The following CROCC2 variants were observed in gnomAD, a reference collection of about 807,000 sequenced individuals.
CROCC2 encodes ciliary rootlet coiled-coil protein 2.
CROCC2 carries 163 observed loss-of-function variants against 177.6 expected under a neutral mutation model. The observed-to-expected ratio is 0.92, with a 90% CI of 0.81 to 1.05. The LOEUF is 1.05. CROCC2 is among the 50% of genes least tolerant of loss of function. CROCC2 has a pLI of 0.00. For missense variants in CROCC2, 1,929 were observed against 1,797.8 expected (o/e 1.07, Z -1.32); for synonymous variants, 904 against 787.3 (o/e 1.15, Z -2.48).
rs4334491 is a variant in CROCC2, at chr2:240,953,061, G to A, written c.2829+2551G>A. Among the ~76,000 whole-genome samples, 103,269 of 151,806 alleles carry A rather than the reference G, an allele frequency of 0.68. 35,925 individuals carry two copies. Among genetic ancestry groups the A allele is most frequent in the African/African-American group, 0.82 (33,823 of 41,416 alleles). On this transcript the variant is annotated intron_variant, in intron 18 of 31. Coordinates refer to ENST00000690015, the MANE Select transcript of CROCC2 (RefSeq NM_001351305.2). This position sits in a 1 kb window ranked among gnomAD's most constrained non-coding sequence, Gnocchi z 4.0. ...GGGCAACGTGGCCTGTTCTCATGTG[G>A]TTATTTAATCCCAGCTTCCCAGTGG...
At chr2:240,989,529 T>C in intron 29 of CROCC2, 125 bp from the exon 30 acceptor site, 1 of 919,080 alleles carries the variant, frequency 1.1e-6, no homozygotes, top group Non-Finnish European at 1.6e-6. Flanking sequence ...CCTGGCCAGG[T>C]CAACACCGGC....
chr2:240,954,850 GC>G (rs1263764642), intron 18 of CROCC2: 3 of 152,250 alleles, frequency 2.0e-5, no homozygotes, highest in East Asian at 3.9e-4. Flanking sequence ...GGTCCCAGGG[GC>G]CCGCCAGGAC....
In CROCC2 at chr2:240,949,603, C is replaced by A; in HGVS notation, c.2553C>A (p.Leu851=). The A allele has an allele frequency of 6.4e-7, 1 of 1,550,504 alleles. No homozygotes were observed. The highest frequency in any genetic ancestry group is 8.7e-7 in the Non-Finnish European group (1 of 1,146,946). Residue 851 remains leucine (L), a synonymous_variant, in exon 17 of 32, where the codon CTC becomes CTA. Coordinates refer to ENST00000690015, the MANE Select transcript of CROCC2 (RefSeq NM_001351305.2). This position sits in a 1 kb window ranked among gnomAD's most constrained non-coding sequence, Gnocchi z 4.5. The part of the protein sequence containing the change: ...EMKLRQDTVR[L]QRQVAQQERE... ...AGCTGCGGCAGGACACGGTGCGGCT[C>A]CAGCGACAGGTGGCACAGCAGGAGC...
At chr2:240,935,691 A>C in intron 14 of CROCC2, 103 bp downstream of exon 14, 1 of 832,836 alleles carries the variant, frequency 1.2e-6, no homozygotes, top group Non-Finnish European at 1.7e-6. Context: ...GGATGCCCAC[A>C]TCAGCTCTTT....
intron 27 of CROCC2, among the ~76,000 whole-genome samples, chr2:240,975,318 C>T (rs2059752416): frequency 6.6e-6 from 1 of 152,216 alleles, no homozygotes; most frequent in South Asian, 2.1e-4. Context: ...CCCCAGAGTC[C>T]CACTGTGTGG....
chr2:240,964,445 A>T, intron 21 of CROCC2, 21 bp from the exon 22 acceptor site: 4 of 1,548,252 alleles, frequency 2.6e-6, no homozygotes, highest in Non-Finnish European at 3.5e-6. Context: ...CGGGGGCCCC[A>T]GCCTGTGGCA....
At position 240,930,358 on chromosome 2, in the gene CROCC2, G is replaced by A. The variant is rs548085152; in HGVS notation, c.749+89G>A. On this transcript the variant is annotated intron_variant, in intron 6 of 31. Transcript: ENST00000690015. ...GGAGGGGGAAATCGGTGCCCAGGGC[G>A]GGCTCTCCCGTGGGTGCAGTAGCCC... is the stretch of plus-strand genomic sequence containing the variant. 2.0e-4 allele frequency: 92 copies of A among 451,912 alleles called. 1 individual carries two copies. Among genetic ancestry groups the A allele is most frequent in the South Asian group, 1.3e-3 (25 of 18,526 alleles). The allele number at this position is 451,912 out of a possible 1,614,324, so 28.0% of individuals were successfully genotyped here. A position where few individuals can be genotyped will look rare whatever the true frequency, so the allele number is the denominator to read the frequency against.
chr2:240,909,830 G>A (rs866501009), intron 1 of CROCC2, among the ~76,000 whole-genome samples: 7 of 152,122 alleles, frequency 4.6e-5, no homozygotes, highest in Middle Eastern at 3.2e-3. Context: ...GGTGCCAGAC[G>A]CCCAGATCAG....
chr2:240,993,024 C>G (rs139926633), intron 31 of CROCC2, 42 bp from the exon 32 acceptor site: 7 of 714,778 alleles, frequency 9.8e-6, no homozygotes, highest in Non-Finnish European at 1.6e-5. Context: ...CATGTGTCCC[C>G]GGGAATGCGG....
Position 240,946,264 on chromosome 2 carries a change from G to T in CROCC2, c.2363+11G>T, listed in dbSNP as rs1226778989. 6.6e-7 allele frequency: 1 copy of T among 1,518,972 alleles called. No individual in the cohort carries two copies. The highest frequency in any genetic ancestry group is 2.0e-5 in the Admixed American group (1 of 49,984). 94.1% of individuals were successfully genotyped at this position (1,518,972 alleles called of 1,614,324 possible). A position where few individuals can be genotyped will look rare whatever the true frequency, so the allele number is the denominator to read the frequency against. ...GGCAGCTGATCTCAGGTATGCAAGG[G>T]CCTGCCAGTCAGGGCATGTCCCACG... On this transcript the variant is annotated intron_variant, in intron 15 of 31. Coordinates refer to ENST00000690015, the MANE Select transcript of CROCC2 (RefSeq NM_001351305.2).
intron 27 of CROCC2, among the ~76,000 whole-genome samples, chr2:240,970,577 CA>C (rs752683711): frequency 5.3e-5 from 8 of 152,232 alleles, no homozygotes; most frequent in Non-Finnish European, 7.3e-5. Context: ...CTGCCCCCTC[CA>C]GGGGCCGAGG....
chr2:240,983,541 A>G (rs539480835), intron 28 of CROCC2: 14 of 1,272,108 alleles, frequency 1.1e-5, no homozygotes, highest in African/African-American at 1.6e-5. Flanking sequence ...GCGCGTCTGC[A>G]GGGGGAGCTC....
At chr2:240,944,199 T>G (rs2059510172) in intron 14 of CROCC2, among the ~76,000 whole-genome samples, 1 of 152,254 alleles carries the variant, frequency 6.6e-6, no homozygotes, top group Non-Finnish European at 1.5e-5. Flanking sequence ...CTTGTTCATT[T>G]CACGCCTATG....
intron 28 of CROCC2, chr2:240,986,156 A>G: frequency 2.9e-6 from 1 of 348,320 alleles, no homozygotes; most frequent in Non-Finnish European, 5.8e-6. Flanking sequence ...AACGGGGCTG[A>G]GTGGAGAGGG....
chr2:240,944,204 C>G (rs12694990), intron 14 of CROCC2, among the ~76,000 whole-genome samples: 103,382 of 152,202 alleles, frequency 0.68, 35,912 homozygotes, highest in African/African-American at 0.81. Context: ...TCATTTCACG[C>G]CTATGTGTCT....
rs1461625277 is a variant in CROCC2 at position 240,959,324 on chromosome 2, G to A, written c.2967G>A (p.Glu989=). 2 of 1,550,558 alleles carry A rather than the reference G, an allele frequency of 1.3e-6. No homozygotes were observed. The highest frequency in any genetic ancestry group is 2.7e-5 in the African/African-American group (2 of 73,136). The part of the protein sequence containing the change: ...QAQATISATT[E]ELKALQAQFE... ...AGGCCACCATCAGTGCCACGACTGA[G>A]GAGCTGAAGGCCCTCCAGGCCCAGT... Residue 989 remains glutamate (E), a synonymous_variant, in exon 20 of 32, where the codon GAG becomes GAA. Coordinates refer to ENST00000690015, the MANE Select transcript of CROCC2 (RefSeq NM_001351305.2).
chr2:240,988,223 A>G (rs1574801756), intron 28 of CROCC2, among the ~76,000 whole-genome samples: 1 of 152,260 alleles, frequency 6.6e-6, no homozygotes, highest in East Asian at 1.9e-4. Flanking sequence ...TACAGCCTAC[A>G]AGGAGGACAG....
rs868619587 is a variant in CROCC2, at chr2:240,950,519, G to A, written c.2829+9G>A. On this transcript the variant is annotated intron_variant, in intron 18 of 31. Transcript: ENST00000690015. Reference sequence around the variant, plus strand: ...AGCACAAGATGCAACAGGTGATGGTGAGGCTGGGGGGCAGCGGGATTGCTC... The same window carrying A: ...AGCACAAGATGCAACAGGTGATGGTAAGGCTGGGGGGCAGCGGGATTGCTC... 2 of 1,546,504 alleles carry A rather than the reference G, an allele frequency of 1.3e-6. No individual in the cohort carries two copies. Among genetic ancestry groups the A allele is most frequent in the East Asian group, 2.4e-5 (1 of 40,884 alleles).
At chr2:240,935,084 C>T (rs1268979122) in intron 13 of CROCC2, 22 bp downstream of exon 13, 14 of 1,330,118 alleles carry the variant, frequency 1.1e-5, no homozygotes, top group African/African-American at 3.1e-5. Context: ...GCCAGTGGGG[C>T]GGGCCTCGCT....
Sources: gnomAD v4.1 joint callset for allele counts (sites outside exome capture counted in the v4.1 genomes callset) on GRCh38, gnomAD v4.1.1 for gene constraint, Gnocchi (gnomAD v3.1) non-coding constraint, MANE v1.5 for transcripts, NCBI Gene and HGNC (gene_info 2026-07-23, HGNC 2026-07-21) for gene names.